The following CARM1 variants were observed in gnomAD, a reference collection of about 807,000 sequenced individuals.
CARM1 encodes the protein histone-arginine methyltransferase CARM1.
Under a neutral mutation model 72.7 loss-of-function variants are expected in CARM1, and 14 were observed. That is an observed-to-expected ratio of 0.19 (90% CI 0.13 to 0.30). CARM1 has a LOEUF of 0.30. Ranked by LOEUF, CARM1 falls within the 10% of genes least tolerant of loss-of-function variation. The pLI, the probability that CARM1 is intolerant of heterozygous loss-of-function variation, is 1.00. For synonymous variants in CARM1, 333 were observed against 345.5 expected, an observed-to-expected ratio of 0.96 and a Z score of 0.40; for missense variants, 432 against 833.7, an observed-to-expected ratio of 0.52 and a Z score of 5.93.
At chr19:10,903,847 C>T (rs551261157) in intron 1 of CARM1, among the ~76,000 whole-genome samples, 11 of 152,212 alleles carry the variant, frequency 7.2e-5, no homozygotes, top group South Asian at 2.1e-4. Context: ...AGACAACAGG[C>T]GCATGCCACC....
At position 10,921,865 on chromosome 19, in the gene CARM1, C is replaced by A; in HGVS notation, c.*108C>A. 9.0e-7 allele frequency: 1 copy of A among 1,106,334 alleles called. No individual in the cohort carries two copies. The highest frequency in any genetic ancestry group is 1.3e-6 in the Non-Finnish European group (1 of 775,996). The allele number at this position is 1,106,334 out of a possible 1,614,324, so 68.5% of individuals were successfully genotyped here. A position where few individuals can be genotyped will look rare whatever the true frequency, so the allele number is the denominator to read the frequency against. ...TACTGGAGAAGCTCGAACACCCGGTCACAGCTCTCTTTGCTATGGGAACTG... is the reference window on the plus strand; with the variant it reads ...TACTGGAGAAGCTCGAACACCCGGTAACAGCTCTCTTTGCTATGGGAACTG... On this transcript the variant is annotated 3_prime_UTR_variant, in exon 16 of 16. Coordinates refer to ENST00000327064, the MANE Select transcript of CARM1 (RefSeq NM_199141.2).
intron 8 of CARM1, among the ~76,000 whole-genome samples, chr19:10,917,012 G>A (rs901436509): frequency 1.3e-5 from 2 of 152,092 alleles, no homozygotes; most frequent in African/African-American, 4.8e-5. Flanking sequence ...TTTAGGCTCA[G>A]GAGTTCAAGA....
At chr19:10,888,590 G>T (rs1164465109) in intron 1 of CARM1, among the ~76,000 whole-genome samples, 1 of 152,168 alleles carries the variant, frequency 6.6e-6, no homozygotes, top group Non-Finnish European at 1.5e-5. Flanking sequence ...ACAGCATGTG[G>T]AGCGAGGGGG....
At chr19:10,876,452 G>GGA (rs2146297398) in intron 1 of CARM1, among the ~76,000 whole-genome samples, 1 of 152,332 alleles carries the variant, frequency 6.6e-6, no homozygotes, top group East Asian at 1.9e-4. Context: ...ACCGGCCATG[G>GGA]GAGGGAGTCC....
At position 10,914,035 on chromosome 19, in the gene CARM1, G is replaced by A. The variant is rs2074175342; in HGVS notation, c.828G>A (p.Lys276=). The part of the protein sequence containing the change: ...ERMLESYLHA[K]KYLKPSGNMF... Reference sequence around the variant, plus strand: ...TGCTGGAGAGCTACCTCCACGCCAAGAAGTACCTGAAGCCCAGCGGTGAGC... The same window carrying A: ...TGCTGGAGAGCTACCTCCACGCCAAAAAGTACCTGAAGCCCAGCGGTGAGC... The change falls in exon 6 of 16, where the codon AAG becomes AAA. Residue 276 remains lysine (K), a synonymous_variant. Transcript: ENST00000327064. 6.2e-7 allele frequency: 1 copy of A among 1,612,946 alleles called. No homozygotes were observed. Among genetic ancestry groups the A allele is most frequent in the Non-Finnish European group, 8.5e-7 (1 of 1,179,754 alleles).
chr19:10,902,843 C>G (rs1283213453), intron 1 of CARM1, among the ~76,000 whole-genome samples: 1 of 152,026 alleles, frequency 6.6e-6, no homozygotes, highest in Non-Finnish European at 1.5e-5. Context: ...CTCCTGGGTT[C>G]TAGTAATCTG....
rs1433330706 is a variant in CARM1, at chr19:10,915,407, C to T, written c.848-1000C>T. Among the ~76,000 whole-genome samples the T allele has an allele frequency of 2.0e-5, 3 of 152,076 alleles. No individual in the cohort carries two copies. The highest frequency in any genetic ancestry group is 4.4e-5 in the Non-Finnish European group (3 of 67,984). On this transcript the variant is annotated intron_variant, in intron 6 of 15. Transcript: ENST00000327064. The surrounding 1 kb of genome is among the most constrained non-coding windows in gnomAD (Gnocchi z 4.6). ...GCCAGCTTGCAGGGAGGGGGGAGGC[C>T]AGGCCTGTGCAAGGAGGACTCCTGT...
intron 1 of CARM1, among the ~76,000 whole-genome samples, chr19:10,875,360 C>T (rs537026409): frequency 1.3e-4 from 19 of 151,848 alleles, no homozygotes; most frequent in African/African-American, 3.9e-4. Context: ...GATGGAGTCT[C>T]GCCGTGTTAT....
rs931221610 is a variant in CARM1 at position 10,917,349 on chromosome 19, C to T, written c.1020+572C>T. On this transcript the variant is annotated intron_variant, in intron 8 of 15. Transcript: ENST00000327064. ...AAAATTAGCCAGACGTGGTGGCGGGCGCCTGTAGTCCCAGCTACTCAGGAG... is the reference window on the plus strand; with the variant it reads ...AAAATTAGCCAGACGTGGTGGCGGGTGCCTGTAGTCCCAGCTACTCAGGAG... Among the ~76,000 whole-genome samples, 10 of 152,076 alleles carry T rather than the reference C, an allele frequency of 6.6e-5. No homozygotes were observed. In the South Asian group the frequency reaches 1.0e-3, roughly 16 times the overall value.
At chr19:10,897,496 G>T (rs921402734) in intron 1 of CARM1, among the ~76,000 whole-genome samples, 2 of 152,160 alleles carry the variant, frequency 1.3e-5, no homozygotes, top group Non-Finnish European at 2.9e-5. Flanking sequence ...CCCCTTCCCT[G>T]CAGTTCCAGC....
intron 1 of CARM1, among the ~76,000 whole-genome samples, chr19:10,894,565 C>G (rs1012741648): frequency 1.3e-5 from 2 of 152,140 alleles, no homozygotes; most frequent in Non-Finnish European, 2.9e-5. Flanking sequence ...ACCAGCTACT[C>G]CCCCGCCCCA....
intron 1 of CARM1, among the ~76,000 whole-genome samples, chr19:10,875,995 G>A (rs1971038): frequency 0.23 from 35,118 of 151,460 alleles, 4,287 homozygotes; most frequent in Middle Eastern, 0.33. Context: ...GCCTCCCAAA[G>A]TCCTGGGATT....
At position 10,915,414 on chromosome 19, in the gene CARM1, G is replaced by A. The variant is rs1348438069; in HGVS notation, c.848-993G>A. Among the ~76,000 whole-genome samples, 1 of 152,100 alleles carries A rather than the reference G, an allele frequency of 6.6e-6. No individual in the cohort carries two copies. The highest frequency in any genetic ancestry group is 2.4e-5 in the African/African-American group (1 of 41,418). On this transcript the variant is annotated intron_variant, in intron 6 of 15. Transcript: ENST00000327064. This position sits in a 1 kb window ranked among gnomAD's most constrained non-coding sequence, Gnocchi z 4.6. ...TGCAGGGAGGGGGGAGGCCAGGCCT[G>A]TGCAAGGAGGACTCCTGTCCAGCTC...
intron 6 of CARM1, 131 bp downstream of exon 6, chr19:10,914,185 C>T: frequency 3.3e-6 from 3 of 897,688 alleles, no homozygotes; most frequent in Non-Finnish European, 5.0e-6. Flanking sequence ...GGGCTTTTCC[C>T]CCGCTCCCAC....
chr19:10,890,801 T>A (rs1254762599), intron 1 of CARM1, among the ~76,000 whole-genome samples: 111 of 127,444 alleles, frequency 8.7e-4, no homozygotes, highest in African/African-American at 2.4e-3. Flanking sequence ...ATATATTTTT[T>A]TTTTTTTTTT....
At position 10,909,177 on chromosome 19, in the gene CARM1, C is replaced by T. The variant is rs959981561; in HGVS notation, c.528C>T (p.Ile176=). ...GGACAGGCACCTACCAGCGCGCCAT[C>T]CTGCAAAACCACACCGACTTCAAGG... ...YVRTGTYQRA[I]LQNHTDFKDK... Residue 176 remains isoleucine, a synonymous_variant, in exon 4 of 16, where the codon ATC becomes ATT. Coordinates refer to ENST00000327064, the MANE Select transcript of CARM1 (RefSeq NM_199141.2). 1 of 1,613,662 alleles carries T rather than the reference C, an allele frequency of 6.2e-7. No individual in the cohort carries two copies. The highest frequency in any genetic ancestry group is 1.3e-5 in the African/African-American group (1 of 74,930).
chr19:10,885,399 T>C (rs1030174809), intron 1 of CARM1, among the ~76,000 whole-genome samples: 2 of 152,218 alleles, frequency 1.3e-5, no homozygotes, highest in African/African-American at 4.8e-5. Flanking sequence ...GCTAATTGTG[T>C]TCTCGGAGCT....
At chr19:10,872,462 C>T (rs1025975711) in intron 1 of CARM1, among the ~76,000 whole-genome samples, 1 of 151,990 alleles carries the variant, frequency 6.6e-6, no homozygotes, top group East Asian at 1.9e-4. Flanking sequence ...CGAGGTGTGG[C>T]GTTCAGGACC....
chr19:10,905,918 G>T lies in CARM1; in HGVS notation c.346+842G>T, dbSNP rs937599117. On this transcript the variant is annotated intron_variant, in intron 2 of 15. Transcript: ENST00000327064. ...AGCCTCCCAAAGTGCTGGGATTACA[G>T]ATGTGAGCCACCGTGCCCGGCCCCT... Among the ~76,000 whole-genome samples, 3 of 148,024 alleles carry T rather than the reference G, an allele frequency of 2.0e-5. 1 individual carries two copies. The highest frequency in any genetic ancestry group is 7.4e-5 in the African/African-American group (3 of 40,296).
Sources: gnomAD v4.1 joint callset for allele counts (sites outside exome capture counted in the v4.1 genomes callset) on GRCh38, gnomAD v4.1.1 for gene constraint, Gnocchi (gnomAD v3.1) non-coding constraint, MANE v1.5 for transcripts, NCBI Gene and HGNC (gene_info 2026-07-23, HGNC 2026-07-21) for gene names.